Variants in HOOK3 observed in about 807,000 individuals in gnomAD.
The protein encoded by HOOK3 is hook microtubule tethering protein 3.
HOOK3 carries 24 observed loss-of-function variants against 116.3 expected under a neutral mutation model. The observed-to-expected ratio is 0.21, with a 90% CI of 0.15 to 0.29. The LOEUF is 0.29. HOOK3 is among the 10% of genes least tolerant of loss of function. The pLI, the probability that HOOK3 is intolerant of heterozygous loss-of-function variation, is 1.00. For missense variants in HOOK3, 632 were observed against 830.2 expected (o/e 0.76, Z 2.93); for synonymous variants, 275 against 283.0 (o/e 0.97, Z 0.28).
intron 9 of HOOK3, among the ~76,000 whole-genome samples, chr8:42,964,871 A>G (rs921072501): frequency 1.3e-5 from 2 of 152,178 alleles, no homozygotes; most frequent in African/African-American, 4.8e-5. Context: ...GACTTCTGGG[A>G]AACTGCAGTC....
At chr8:42,936,500 C>CA (rs1290178200) in intron 4 of HOOK3, among the ~76,000 whole-genome samples, 30 of 152,282 alleles carry the variant, frequency 2.0e-4, no homozygotes, top group African/African-American at 7.2e-4. Flanking sequence ...AGCTTTTGCC[C>CA]ATTCAGTATG....
Position 42,900,336 on chromosome 8 carries a change from C to T in HOOK3, c.57+3148C>T, listed in dbSNP as rs572956754. 8.6e-4 allele frequency among the ~76,000 whole-genome samples: 131 copies of T among 152,160 alleles called. 1 individual carries two copies. In the South Asian group the frequency reaches 0.011, roughly 13 times the overall value. On this transcript the variant is annotated intron_variant, in intron 1 of 21. Transcript: ENST00000307602. The stretch of plus-strand genomic sequence containing the variant: ...AATTTCTTGAACTGTATGTGAATCT[C>T]GATGAAAAGATAGCACTTTTCCAGG...
chr8:43,011,270 GGT>G (rs1178314768), intron 19 of HOOK3, among the ~76,000 whole-genome samples: 1 of 152,114 alleles, frequency 6.6e-6, no homozygotes, highest in Non-Finnish European at 1.5e-5. Flanking sequence ...TGGGATTACA[GGT>G]GTGAGCCACC....
At chr8:42,965,883 A>G (rs1260410313) in intron 9 of HOOK3, among the ~76,000 whole-genome samples, 1 of 152,078 alleles carries the variant, frequency 6.6e-6, no homozygotes, top group African/African-American at 2.4e-5. Context: ...TCTGATAACC[A>G]TTTTGGAGAA....
At chr8:42,954,976 T>G (rs1323011137) in intron 6 of HOOK3, among the ~76,000 whole-genome samples, 1 of 152,126 alleles carries the variant, frequency 6.6e-6, no homozygotes, top group Non-Finnish European at 1.5e-5. Flanking sequence ...GCAGGAACAG[T>G]GTGGAATAAT....
At chr8:42,921,758 A>C (rs948918528) in intron 2 of HOOK3, among the ~76,000 whole-genome samples, 6 of 152,216 alleles carry the variant, frequency 3.9e-5, no homozygotes, top group African/African-American at 1.4e-4. Flanking sequence ...GCTTGGACTG[A>C]AGTGATACAG....
intron 3 of HOOK3, among the ~76,000 whole-genome samples, chr8:42,928,310 G>A (rs1183036498): frequency 2.6e-5 from 4 of 151,070 alleles, no homozygotes; most frequent in Non-Finnish European, 5.9e-5. Flanking sequence ...AATTAGTCAG[G>A]TGTGGTGCCG....
At chr8:42,919,607 G>A (rs1258828125) in intron 2 of HOOK3, among the ~76,000 whole-genome samples, 1 of 152,226 alleles carries the variant, frequency 6.6e-6, no homozygotes, top group African/African-American at 2.4e-5. Flanking sequence ...GGAGGTGGAG[G>A]TTGTAGCCAG....
chr8:42,903,013 T>C (rs1807221364), intron 1 of HOOK3, among the ~76,000 whole-genome samples: 1 of 152,182 alleles, frequency 6.6e-6, no homozygotes, highest in South Asian at 2.1e-4. Context: ...CTTATTTCTT[T>C]TAAGTGCTTA....
At chr8:42,981,423 C>T (rs766972549) in intron 13 of HOOK3, among the ~76,000 whole-genome samples, 3 of 152,158 alleles carry the variant, frequency 2.0e-5, no homozygotes, top group Non-Finnish European at 2.9e-5. Flanking sequence ...AGGACTAGGA[C>T]ACCTTTCTTG....
At chr8:43,008,817 G>A (rs1809546787) in intron 18 of HOOK3, among the ~76,000 whole-genome samples, 1 of 149,334 alleles carries the variant, frequency 6.7e-6, no homozygotes, top group South Asian at 2.1e-4. Flanking sequence ...CCGCCACTAC[G>A]CCCGGCTAAT....
At position 43,026,669 on chromosome 8, in the gene HOOK3, C is replaced by A; in HGVS notation, c.*8171C>A. 4.5e-6 allele frequency: 1 copy of A among 221,230 alleles called. No individual in the cohort carries two copies. Among genetic ancestry groups the A allele is most frequent in the Non-Finnish European group, 9.1e-6 (1 of 110,410 alleles). 13.7% of individuals were successfully genotyped at this position (221,230 alleles called of 1,614,324 possible). The stretch of plus-strand genomic sequence containing the variant: ...GTTTGCCTGCCTCCTGAAACACAAA[C>A]CTGCAGATTGCCCCTAACTTCAGCA... On this transcript the variant is annotated 3_prime_UTR_variant, in exon 22 of 22. Transcript: ENST00000307602.
intron 21 of HOOK3, among the ~76,000 whole-genome samples, chr8:43,017,695 C>T (rs967121602): frequency 6.6e-6 from 1 of 152,162 alleles, no homozygotes; most frequent in African/African-American, 2.4e-5. Context: ...GTCATTCCTC[C>T]GCAGTCAGGT....
At position 43,023,613 on chromosome 8, in the gene HOOK3, C is replaced by A. The variant is rs527942365; in HGVS notation, c.*5115C>A. 1 of 172,034 alleles carries A rather than the reference C, an allele frequency of 5.8e-6. No individual in the cohort carries two copies. The highest frequency in any genetic ancestry group is 6.4e-5 in the Admixed American group (1 of 15,662). 10.7% of individuals were successfully genotyped at this position (172,034 alleles called of 1,614,324 possible). ...GATTACAGGCATCTGCCACCACGCC[C>A]AGCTAATTTTTGTATTTTTACAAAA... On this transcript the variant is annotated 3_prime_UTR_variant, in exon 22 of 22. Transcript: ENST00000307602.
At chr8:42,915,427 G>GTTA (rs535927325) in intron 2 of HOOK3, among the ~76,000 whole-genome samples, 255 of 152,028 alleles carry the variant, frequency 1.7e-3, no homozygotes, top group African/African-American at 5.8e-3. Context: ...GATATTGCCT[G>GTTA]TTATTATTAT....
Position 43,013,396 on chromosome 8 carries a change from A to G in HOOK3, c.2012A>G (p.Asn671Ser), listed in dbSNP as rs1284808297. The change falls in exon 21 of 22, where the codon AAT (asparagine) becomes AGT (serine). Residue 671 changes from asparagine (N) to serine (S), a missense_variant. Around this residue, in one of 3 missense-constraint regions of HOOK3, gnomAD observed 483 missense variants for 648.1 expected, o/e 0.75. Coordinates refer to ENST00000307602, the MANE Select transcript of HOOK3 (RefSeq NM_032410.4). Reference protein sequence around the residue: ...EEKYIVSAWYNMGMTLHKKAA... With the variant: ...EEKYIVSAWYSMGMTLHKKAA... ...AAATATATTGTTAGTGCCTGGTACAATATGGTAAGAAAATAGTACTTTGGA... is the reference window on the plus strand; with the variant it reads ...AAATATATTGTTAGTGCCTGGTACAGTATGGTAAGAAAATAGTACTTTGGA... The G allele has an allele frequency of 6.3e-7, 1 of 1,581,494 alleles. No individual in the cohort carries two copies. Among genetic ancestry groups the G allele is most frequent in the Non-Finnish European group, 8.6e-7 (1 of 1,167,230 alleles).
chr8:42,914,565 C>T (rs1807494551), intron 2 of HOOK3, among the ~76,000 whole-genome samples: 1 of 152,200 alleles, frequency 6.6e-6, no homozygotes, highest in African/African-American at 2.4e-5. Flanking sequence ...GGCCCTTCAC[C>T]TGCATGCTGT....
chr8:42,973,892 G>A (rs1404286146), intron 12 of HOOK3, among the ~76,000 whole-genome samples: 2 of 152,202 alleles, frequency 1.3e-5, no homozygotes, highest in Admixed American at 1.3e-4. Context: ...ACTATGGATA[G>A]CATATTGCCC....
At chr8:43,017,232 G>A (rs938469350) in intron 21 of HOOK3, among the ~76,000 whole-genome samples, 5 of 152,162 alleles carry the variant, frequency 3.3e-5, no homozygotes, top group Non-Finnish European at 2.9e-5. Flanking sequence ...TCATTGGTGA[G>A]ATTAAACAGC....
Sources: allele counts gnomAD v4.1 joint callset (sites outside exome capture counted in the v4.1 genomes callset), GRCh38; gene constraint gnomAD v4.1.1; regional missense constraint gnomAD v4.1.1; transcripts MANE v1.5; gene names NCBI Gene and HGNC (gene_info 2026-07-23, HGNC 2026-07-21).